LRMDA: variants seen among roughly 807,000 people sequenced by gnomAD.
LRMDA encodes leucine-rich melanocyte differentiation-associated protein.
A neutral mutation model predicts 29.8 loss-of-function variants in LRMDA; 18 were observed. The ratio of observed to expected loss-of-function variants is 0.60; its 90% CI spans 0.42 to 0.90. The LOEUF is 0.90. Among genes scored for constraint, LRMDA ranks in the 40% least tolerant of loss-of-function variants. LRMDA has a pLI of 0.00. For missense variants in LRMDA, 273 were observed against 273.9 expected (o/e 1.00, Z 0.02); for synonymous variants, 125 against 109.4 (o/e 1.14, Z -0.89).
At chr10:76,091,179 CG>C (rs1849224804) in intron 5 of LRMDA, among the ~76,000 whole-genome samples, 1 of 151,846 alleles carries the variant, frequency 6.6e-6, no homozygotes, top group Non-Finnish European at 1.5e-5. Context: ...TGTAAAATAG[CG>C]AGTACTCAAT....
intron 5 of LRMDA, chr10:76,260,983 A>T (rs1839933986): frequency 1.3e-5 from 2 of 152,160 alleles, no homozygotes; most frequent in Non-Finnish European, 2.9e-5. Context: ...CCTACTGGAA[A>T]GAGAGCTTGT....
chr10:76,286,428 G>C lies in LRMDA; in HGVS notation c.517-37973G>C, dbSNP rs541232170. Among the ~76,000 whole-genome samples the C allele has an allele frequency of 1.6e-3, 242 of 152,262 alleles. 1 individual carries two copies. Among genetic ancestry groups the C allele is most frequent in the Non-Finnish European group, 2.4e-3 (162 of 68,024 alleles). ...TTGTTCCACATTTTTAAAGTGAGAG[G>C]GTTGTGAAAGAACAGTGGTTTTCAA... On this transcript the variant is annotated intron_variant, in intron 5 of 6. Transcript: ENST00000611255.
At chr10:75,948,273 A>T (rs1054022639) in intron 2 of LRMDA, among the ~76,000 whole-genome samples, 16 of 152,324 alleles carry the variant, frequency 1.1e-4, no homozygotes, top group African/African-American at 3.8e-4. Context: ...AGAGAATCCC[A>T]GCCAAGTTCC....
intron 2 of LRMDA, among the ~76,000 whole-genome samples, chr10:75,954,194 A>G (rs1293670519): frequency 1.3e-5 from 2 of 152,120 alleles, no homozygotes; most frequent in African/African-American, 4.8e-5. Flanking sequence ...CCCCCAGCGT[A>G]TCTGGTTGAG....
chr10:76,168,956 T>A (rs566345592), intron 5 of LRMDA, among the ~76,000 whole-genome samples: 2 of 152,296 alleles, frequency 1.3e-5, no homozygotes, highest in South Asian at 4.1e-4. Context: ...AGGTATCCAC[T>A]GTATAGGTAC....
chr10:76,145,689 C>T (rs984710809), intron 5 of LRMDA, among the ~76,000 whole-genome samples: 1 of 151,844 alleles, frequency 6.6e-6, no homozygotes, highest in Non-Finnish European at 1.5e-5. Flanking sequence ...TCTCTATTTC[C>T]TTCAGTTCTG....
intron 6 of LRMDA, among the ~76,000 whole-genome samples, chr10:76,345,525 A>G (rs1841096472): frequency 6.7e-6 from 1 of 150,134 alleles, no homozygotes; most frequent in African/African-American, 2.4e-5. Context: ...AACAAGGTGT[A>G]GAATAGTATG....
intron 2 of LRMDA, among the ~76,000 whole-genome samples, chr10:75,609,897 G>A (rs1413534351): frequency 6.6e-6 from 1 of 152,100 alleles, no homozygotes; most frequent in African/African-American, 2.4e-5. Flanking sequence ...GCCCAATAAG[G>A]GAAAGAATGC....
intron 6 of LRMDA, among the ~76,000 whole-genome samples, chr10:76,357,037 C>A (rs74148453): frequency 0.021 from 3,214 of 152,038 alleles, 128 homozygotes; most frequent in African/African-American, 0.071. Flanking sequence ...TGAGTGCAAA[C>A]CAAAAAATTG....
intron 6 of LRMDA, among the ~76,000 whole-genome samples, chr10:76,510,126 A>T (rs1183072802): frequency 6.6e-6 from 1 of 152,006 alleles, no homozygotes; most frequent in Non-Finnish European, 1.5e-5. Context: ...GCTGGAGTGG[A>T]GTGGCACGAT....
intron 2 of LRMDA, among the ~76,000 whole-genome samples, chr10:75,980,836 A>G (rs532274060): frequency 6.6e-6 from 1 of 152,270 alleles, no homozygotes; most frequent in African/African-American, 2.4e-5. Flanking sequence ...TCTCTCTCAG[A>G]CCATTGGGGG....
chr10:76,127,017 A>T (rs536422143), intron 5 of LRMDA, among the ~76,000 whole-genome samples: 1 of 152,182 alleles, frequency 6.6e-6, no homozygotes, highest in Non-Finnish European at 1.5e-5. Flanking sequence ...ACTTGCTCAT[A>T]AAGCCAACCA....
chr10:76,406,821 G>T (rs1219147552), intron 6 of LRMDA, among the ~76,000 whole-genome samples: 1 of 152,114 alleles, frequency 6.6e-6, no homozygotes, highest in East Asian at 1.9e-4. Context: ...CATAGAATGA[G>T]CCCGAGAGGC....
At chr10:75,796,019 C>T (rs888550654) in intron 2 of LRMDA, among the ~76,000 whole-genome samples, 2 of 152,206 alleles carry the variant, frequency 1.3e-5, no homozygotes, top group South Asian at 2.1e-4. Context: ...TAGTACATAG[C>T]AATATTGATT....
At chr10:76,413,875 T>G (rs1297747087) in intron 6 of LRMDA, among the ~76,000 whole-genome samples, 2 of 152,120 alleles carry the variant, frequency 1.3e-5, no homozygotes, top group Non-Finnish European at 2.9e-5. Flanking sequence ...GTAAAGAAAA[T>G]TTCTAATAAG....
chr10:76,502,807 G>T (rs1291748739), intron 6 of LRMDA, among the ~76,000 whole-genome samples: 1 of 151,314 alleles, frequency 6.6e-6, no homozygotes, highest in Non-Finnish European at 1.5e-5. Flanking sequence ...AGAGTCTTTA[G>T]GGTTTTCTAG....
rs1357414101 is a variant in LRMDA, at chr10:76,118,632, A to G, written c.516+59849A>G. 2.6e-5 allele frequency among the ~76,000 whole-genome samples: 4 copies of G among 152,144 alleles called. No individual in the cohort carries two copies. In the East Asian group the frequency reaches 7.7e-4, roughly 29 times the overall value. ...TGTAGAGTGCAGGAGACATTCATTT[A>G]TCTTGGAGGAGAAGACCATTCTGTG... On this transcript the variant is annotated intron_variant, in intron 5 of 6. Coordinates refer to ENST00000611255, the MANE Select transcript of LRMDA (RefSeq NM_001305581.2).
chr10:76,456,854 A>G (rs1589195162), intron 6 of LRMDA, among the ~76,000 whole-genome samples: 1 of 151,820 alleles, frequency 6.6e-6, no homozygotes. Context: ...CTTCTTTTTT[A>G]TTTTTTGGGG....
chr10:75,655,230 C>T (rs947830998), intron 2 of LRMDA, among the ~76,000 whole-genome samples: 2 of 152,216 alleles, frequency 1.3e-5, no homozygotes, highest in Non-Finnish European at 2.9e-5. Flanking sequence ...AGCACTTTGA[C>T]AGTCTGAAAT....
Sources: gnomAD v4.1 joint callset for allele counts (sites outside exome capture counted in the v4.1 genomes callset) on GRCh38, gnomAD v4.1.1 for gene constraint, MANE v1.5 for transcripts, NCBI Gene and HGNC (gene_info 2026-07-23, HGNC 2026-07-21) for gene names.